The following MRPS9 variants were observed in gnomAD, a reference collection of about 807,000 sequenced individuals.
The protein encoded by MRPS9 is small ribosomal subunit protein uS9m.
A neutral mutation model predicts 59.9 loss-of-function variants in MRPS9; 45 were observed. The ratio of observed to expected loss-of-function variants is 0.75; its 90% CI spans 0.59 to 0.96. The LOEUF (loss-of-function observed/expected upper bound fraction) is 0.96, where lower values mean the gene tolerates loss of function less well. Among genes scored for constraint, MRPS9 ranks in the 40% least tolerant of loss-of-function variants. MRPS9 has a pLI of 0.00. For synonymous variants in MRPS9, 171 were observed against 166.8 expected (o/e 1.03, Z -0.19); for missense variants, 473 against 481.1 (o/e 0.98, Z 0.16).
intron 10 of MRPS9, 122 bp downstream of exon 10, chr2:105,097,446 C>T (rs541677059): frequency 1.1e-4 from 102 of 900,222 alleles, no homozygotes; most frequent in Admixed American, 1.6e-4. Context: ...TATTTCACTT[C>T]GCTGTCTTCT....
At chr2:105,059,697 C>T (rs1364003549) in intron 2 of MRPS9, among the ~76,000 whole-genome samples, 2 of 151,634 alleles carry the variant, frequency 1.3e-5, no homozygotes, top group African/African-American at 4.8e-5. Flanking sequence ...TTAATTCTGT[C>T]ATGGTTGGTA....
chr2:105,091,664 C>G (rs1268635737), intron 7 of MRPS9, among the ~76,000 whole-genome samples: 1 of 152,074 alleles, frequency 6.6e-6, no homozygotes, highest in African/African-American at 2.4e-5. Context: ...TTTCACAATC[C>G]ATATTAACTA....
intron 1 of MRPS9, among the ~76,000 whole-genome samples, chr2:105,043,628 T>G (rs1679539352): frequency 6.6e-6 from 1 of 152,108 alleles, no homozygotes; most frequent in African/African-American, 2.4e-5. Flanking sequence ...GAATTTTTAT[T>G]TATTTTTATG....
At chr2:105,079,024 T>C (rs1680273277) in intron 4 of MRPS9, among the ~76,000 whole-genome samples, 1 of 152,034 alleles carries the variant, frequency 6.6e-6, no homozygotes, top group Admixed American at 6.5e-5. Context: ...GTATCTGTGG[T>C]ATTAACATTT....
rs902520499 is a variant in MRPS9 at position 105,048,161 on chromosome 2, C to T, written c.136-1010C>T. Among the ~76,000 whole-genome samples, 102 of 152,160 alleles carry T rather than the reference C, an allele frequency of 6.7e-4. 1 individual carries two copies. The highest frequency in any genetic ancestry group is 2.3e-3 in the African/African-American group (94 of 41,548). On this transcript the variant is annotated intron_variant, in intron 1 of 10. Transcript: ENST00000258455. ...TGTGGCACATATACACCATGGAATA[C>T]TATGCAGCCATAAAAAAATGATGAG...
At chr2:105,076,090 A>G (rs1680205951) in intron 4 of MRPS9, among the ~76,000 whole-genome samples, 2 of 152,250 alleles carry the variant, frequency 1.3e-5, no homozygotes, top group African/African-American at 4.8e-5. Context: ...ATGACTGCCT[A>G]CTTAGAAAAT....
intron 7 of MRPS9, chr2:105,091,495 T>G: frequency 2.5e-6 from 1 of 400,676 alleles, no homozygotes; most frequent in South Asian, 1.9e-5. Context: ...CATAGGAAGC[T>G]GTAGTCAAAG....
Position 105,099,682 on chromosome 2 carries a change from C to T in MRPS9, c.1112C>T (p.Thr371Ile), listed in dbSNP as rs757771120. 6.2e-7 allele frequency: 1 copy of T among 1,614,078 alleles called. No individual in the cohort carries two copies. The highest frequency in any genetic ancestry group is 8.5e-7 in the Non-Finnish European group (1 of 1,180,022). Residue 371 changes from threonine to isoleucine, a missense_variant, in exon 11 of 11, where the codon ACT (threonine) becomes ATT (isoleucine). Physicochemically the swap from Thr to Ile is moderately conservative, Grantham distance 89 (BLOSUM62 -1). Coordinates refer to ENST00000258455, the MANE Select transcript of MRPS9 (RefSeq NM_182640.3). Reference protein sequence around the residue: ...VEWMRQAGLLTTDPRVRERKK... With the variant: ...VEWMRQAGLLITDPRVRERKK... ...TTTTATGCTGCAGCTGGACTACTTACTACTGATCCACGTGTGAGGGAACGG... is the reference window on the plus strand; with the variant it reads ...TTTTATGCTGCAGCTGGACTACTTATTACTGATCCACGTGTGAGGGAACGG...
chr2:105,080,914 A>G (rs576910117), intron 5 of MRPS9, among the ~76,000 whole-genome samples: 1 of 144,718 alleles, frequency 6.9e-6, no homozygotes, highest in Non-Finnish European at 1.6e-5. Flanking sequence ...CTTGGGGGAA[A>G]AAAAAAAACA....
At chr2:105,080,485 A>G (rs1403955024) in intron 5 of MRPS9, among the ~76,000 whole-genome samples, 1 of 152,138 alleles carries the variant, frequency 6.6e-6, no homozygotes, top group Non-Finnish European at 1.5e-5. Context: ...TGCCTTTCAT[A>G]GGTTAATGCA....
At chr2:105,077,884 T>C (rs1680245981) in intron 4 of MRPS9, among the ~76,000 whole-genome samples, 1 of 152,248 alleles carries the variant, frequency 6.6e-6, no homozygotes, top group Admixed American at 6.5e-5. Context: ...TGCTGCTTTC[T>C]AAATTATTGA....
At chr2:105,044,204 A>C (rs1195271349) in intron 1 of MRPS9, among the ~76,000 whole-genome samples, 2 of 152,170 alleles carry the variant, frequency 1.3e-5, no homozygotes, top group Non-Finnish European at 1.5e-5. Context: ...AAGTGCTGGG[A>C]TTACAGGCAT....
rs1296883158 is a variant in MRPS9 at position 105,069,912 on chromosome 2, CTGAGGTGGGAGGATTGCA to C, written c.316-1396_316-1379del. Among the ~76,000 whole-genome samples, 2 of 151,814 alleles carry C rather than the reference CTGAGGTGGGAGGATTGCA, an allele frequency of 1.3e-5. 1 individual carries two copies. Among genetic ancestry groups the C allele is most frequent in the Non-Finnish European group, 2.9e-5 (2 of 67,974 alleles). On this transcript the variant is annotated intron_variant, in intron 2 of 10. Transcript: ENST00000258455. ...CCTCTAGCCCCAGCTACTCCTGAGG[CTGAGGTGGGAGGATTGCA>C]TGAGCCTGGGAGGTCAAGGCTGCAG...
chr2:105,048,168 G>C (rs1441351969), intron 1 of MRPS9, among the ~76,000 whole-genome samples: 2 of 152,008 alleles, frequency 1.3e-5, no homozygotes, highest in Non-Finnish European at 2.9e-5. Context: ...ATACTATGCA[G>C]CCATAAAAAA....
chr2:105,038,343 G>A, intron 1 of MRPS9, 116 bp downstream of exon 1: 1 of 1,354,064 alleles, frequency 7.4e-7, no homozygotes, highest in South Asian at 1.4e-5. Flanking sequence ...TAGGATCTTA[G>A]GTATTTAGTG....
At chr2:105,080,721 T>G (rs1242807607) in intron 5 of MRPS9, among the ~76,000 whole-genome samples, 2 of 152,200 alleles carry the variant, frequency 1.3e-5, no homozygotes, top group Non-Finnish European at 2.9e-5. Context: ...TCAAGTTCTA[T>G]TTTACTCATT....
intron 4 of MRPS9, among the ~76,000 whole-genome samples, chr2:105,077,574 T>C (rs11903952): frequency 0.19 from 29,634 of 152,144 alleles, 3,055 homozygotes; most frequent in Middle Eastern, 0.35. Flanking sequence ...CATGCAGGCA[T>C]ACATAGGTAA....
intron 9 of MRPS9, among the ~76,000 whole-genome samples, chr2:105,095,728 C>G (rs982376603): frequency 6.6e-6 from 1 of 151,956 alleles, no homozygotes; most frequent in Non-Finnish European, 1.5e-5. Flanking sequence ...AACTCCCGAC[C>G]TCAGGTGATC....
chr2:105,076,193 G>T (rs1680209101), intron 4 of MRPS9, among the ~76,000 whole-genome samples: 1 of 152,172 alleles, frequency 6.6e-6, no homozygotes, highest in African/African-American at 2.4e-5. Flanking sequence ...GAATTGTTCT[G>T]AAAATTTTAA....
Sources: gnomAD v4.1 joint callset for allele counts (sites outside exome capture counted in the v4.1 genomes callset) on GRCh38, gnomAD v4.1.1 for gene constraint, MANE v1.5 for transcripts, NCBI Gene and HGNC (gene_info 2026-07-23, HGNC 2026-07-21) for gene names.